SLC38A10: variants seen among roughly 807,000 people sequenced by gnomAD.
SLC38A10 encodes solute carrier family 38 member 10.
In SLC38A10, 53 loss-of-function variants were observed where a neutral mutation model predicts 81.0. The ratio of observed to expected loss-of-function variants is 0.65; its 90% CI spans 0.53 to 0.82. The LOEUF is 0.82. Ranked by LOEUF, SLC38A10 falls within the 40% of genes least tolerant of loss-of-function variation. The probability of loss-of-function intolerance (pLI) is 0.00; values close to 1 mark genes in which losing one functional copy is unlikely to be tolerated. For missense variants in SLC38A10, 1,471 were observed against 1,545.0 expected (o/e 0.95, Z 0.80); for synonymous variants, 665 against 655.3 (o/e 1.01, Z -0.23).
intron 10 of SLC38A10, chr17:81,264,106 A>G (rs2063048658): frequency 6.6e-6 from 1 of 152,344 alleles, no homozygotes; most frequent in East Asian, 1.9e-4. Flanking sequence ...TGACATAGAC[A>G]AGGGAACGGT....
intron 14 of SLC38A10, among the ~76,000 whole-genome samples, chr17:81,250,451 G>C (rs2062900150): frequency 6.6e-6 from 1 of 152,238 alleles, no homozygotes; most frequent in Admixed American, 6.5e-5. Context: ...AGATGCGCGG[G>C]CAGGAAGCGT....
chr17:81,249,402 T>G (rs139403698), intron 14 of SLC38A10, among the ~76,000 whole-genome samples: 7 of 514 alleles, frequency 0.014, no homozygotes, highest in South Asian at 0.071. Flanking sequence ...AAGAGGAGGA[T>G]GAAGGAGGGA....
intron 10 of SLC38A10, among the ~76,000 whole-genome samples, chr17:81,267,487 C>T (rs970092925): frequency 1.3e-5 from 2 of 151,912 alleles, no homozygotes; most frequent in Non-Finnish European, 2.9e-5. Flanking sequence ...TTCCTCCCTC[C>T]CTCCCTTCTT....
rs781066749 is a variant in SLC38A10 at position 81,260,327 on chromosome 17, T to G, written c.1199A>C (p.Glu400Ala). 6.2e-7 allele frequency: 1 copy of G among 1,609,264 alleles called. No homozygotes were observed. The highest frequency in any genetic ancestry group is 1.7e-5 in the Admixed American group (1 of 59,446). Reference protein sequence around the residue: ...STVTTLSVSEEVPEDLAEEAP... With the variant: ...STVTTLSVSEAVPEDLAEEAP... The stretch of plus-strand genomic sequence containing the variant: ...TTCCTCTGCCAAGTCCTCGGGGACC[T>G]CCTCGCTCACAGACAGTGTGGTGAC... The change falls in exon 11 of 16, where the codon GAG (glutamate) becomes GCG (alanine). Residue 400 changes from glutamate (E) to alanine (A), a missense_variant. By Grantham distance (107) the Glu-to-Ala change is moderately radical. Coordinates refer to ENST00000374759, the MANE Select transcript of SLC38A10 (RefSeq NM_001037984.3).
intron 1 of SLC38A10, among the ~76,000 whole-genome samples, chr17:81,293,890 A>G (rs2063328644): frequency 6.6e-6 from 1 of 152,252 alleles, no homozygotes; most frequent in Non-Finnish European, 1.5e-5. Flanking sequence ...GATTAAACAG[A>G]TGACACTTAG....
At chr17:81,261,775 G>A (rs1362129229) in intron 10 of SLC38A10, among the ~76,000 whole-genome samples, 1 of 152,244 alleles carries the variant, frequency 6.6e-6, no homozygotes, top group Non-Finnish European at 1.5e-5. Context: ...CTCGGGGCTT[G>A]TAGGATGCCC....
intron 4 of SLC38A10, among the ~76,000 whole-genome samples, chr17:81,282,744 C>T (rs905283539): frequency 6.6e-6 from 1 of 152,170 alleles, no homozygotes; most frequent in Non-Finnish European, 1.5e-5. Flanking sequence ...AACGGAAGGT[C>T]GAATGGGGAG....
In SLC38A10 at chr17:81,252,607, G is replaced by A. The variant is rs779716954; in HGVS notation, c.1533C>T (p.Gly511=). The change falls in exon 13 of 16, where the codon GGC becomes GGT. Residue 511 remains glycine, a synonymous_variant. Coordinates refer to ENST00000374759, the MANE Select transcript of SLC38A10 (RefSeq NM_001037984.3). ...VPHDKVVVDE[G]QDREVPEENK... ...TCTCTTCTGGCACCTCTCGGTCTTG[G>A]CCTTCATCTACCACCACCTTGTCGT... 1.9e-6 allele frequency: 3 copies of A among 1,612,944 alleles called. No homozygotes were observed. Among genetic ancestry groups the A allele is most frequent in the Non-Finnish European group, 2.5e-6 (3 of 1,180,034 alleles).
chr17:81,251,468 G>A, intron 14 of SLC38A10, 25 bp downstream of exon 14: 1 of 1,606,712 alleles, frequency 6.2e-7, no homozygotes, highest in Non-Finnish European at 8.5e-7. Flanking sequence ...GCCTGAGGCA[G>A]GCGGCTGTAG....
intron 6 of SLC38A10, among the ~76,000 whole-genome samples, chr17:81,278,306 C>A (rs932934221): frequency 6.6e-6 from 1 of 152,160 alleles, no homozygotes; most frequent in Non-Finnish European, 1.5e-5. Flanking sequence ...ATCACTGGAG[C>A]CCGGGAGGTC....
rs559366417 is a variant in SLC38A10, at chr17:81,260,697, C to T, written c.1132-303G>A. Among the ~76,000 whole-genome samples, 694 of 152,352 alleles carry T rather than the reference C, an allele frequency of 4.6e-3. 6 individuals are homozygous for T. The highest frequency in any genetic ancestry group is 0.015 in the African/African-American group (622 of 41,594). On this transcript the variant is annotated intron_variant, in intron 10 of 15. Coordinates refer to ENST00000374759, the MANE Select transcript of SLC38A10 (RefSeq NM_001037984.3). ...GCATCCAGCCTGTGGCTGACGTGCC[C>T]TCCATGCCAGCTGGGGTCATGGGCC...
intron 11 of SLC38A10, among the ~76,000 whole-genome samples, chr17:81,254,592 C>A (rs914572735): frequency 3.3e-5 from 5 of 152,196 alleles, no homozygotes; most frequent in African/African-American, 1.2e-4. Flanking sequence ...ATTACAGGAA[C>A]CTGCCACAAT....
Position 81,289,672 on chromosome 17 carries a change from T to C in SLC38A10, c.217+19A>G, listed in dbSNP as rs1182480903. 4.4e-6 allele frequency: 7 copies of C among 1,589,230 alleles called. No individual in the cohort carries two copies. The Admixed American group carries it at 8.7e-5, about 20-fold the overall frequency. ...CCCCGCCCCAGGTCCAGAGCCACCT[T>C]GTGGAGAGGGCGCCTCACCCAGGCC... On this transcript the variant is annotated intron_variant, in intron 2 of 15. Coordinates refer to ENST00000374759, the MANE Select transcript of SLC38A10 (RefSeq NM_001037984.3). This position sits in a 1 kb window ranked among gnomAD's most constrained non-coding sequence, Gnocchi z 5.9.
Position 81,289,335 on chromosome 17 carries a change from C to T in SLC38A10, c.217+356G>A, listed in dbSNP as rs2146957779. Among the ~76,000 whole-genome samples the T allele has an allele frequency of 6.6e-6, 1 of 152,036 alleles. No individual in the cohort carries two copies. Reference sequence around the variant, plus strand: ...GGGATTACAGGCACGAGCCACCACGCCCGGCAGGTTTTTTTTTTAACTGCA... The same window carrying T: ...GGGATTACAGGCACGAGCCACCACGTCCGGCAGGTTTTTTTTTTAACTGCA... On this transcript the variant is annotated intron_variant, in intron 2 of 15. Coordinates refer to ENST00000374759, the MANE Select transcript of SLC38A10 (RefSeq NM_001037984.3). This position sits in a 1 kb window ranked among gnomAD's most constrained non-coding sequence, Gnocchi z 5.9.
chr17:81,260,108 C>G, intron 11 of SLC38A10, 130 bp downstream of exon 11: 1 of 1,196,840 alleles, frequency 8.4e-7, no homozygotes, highest in Non-Finnish European at 1.1e-6. Flanking sequence ...GGCTGGTGGC[C>G]CCACCCTGCT....
At chr17:81,262,633 T>G (rs941438791) in intron 10 of SLC38A10, among the ~76,000 whole-genome samples, 2 of 152,028 alleles carry the variant, frequency 1.3e-5, no homozygotes, top group Admixed American at 1.3e-4. Flanking sequence ...TTGGTGAGAG[T>G]ACCTAAATGG....
chr17:81,290,549 A>G (rs1237058209), intron 1 of SLC38A10, among the ~76,000 whole-genome samples: 2 of 152,228 alleles, frequency 1.3e-5, no homozygotes, highest in East Asian at 3.8e-4. Context: ...GGAAACTCAG[A>G]AAAGGCAAAC....
At chr17:81,250,398 C>T (rs765355989) in intron 14 of SLC38A10, among the ~76,000 whole-genome samples, 33 of 152,382 alleles carry the variant, frequency 2.2e-4, no homozygotes, top group Middle Eastern at 3.4e-3. Flanking sequence ...GTGGCTGCTG[C>T]ACCTGCCCTC....
chr17:81,249,803 G>A (rs1367747154), intron 14 of SLC38A10, among the ~76,000 whole-genome samples: 1 of 152,176 alleles, frequency 6.6e-6, no homozygotes, highest in East Asian at 1.9e-4. Context: ...TCAGACGCTT[G>A]CAGAGACCAG....
Sources: allele counts gnomAD v4.1 joint callset (sites outside exome capture counted in the v4.1 genomes callset), GRCh38; gene constraint gnomAD v4.1.1; non-coding constraint Gnocchi (gnomAD v3.1); transcripts MANE v1.5; gene names NCBI Gene and HGNC (gene_info 2026-07-23, HGNC 2026-07-21).